GPC5: variants seen among roughly 807,000 people sequenced by gnomAD.
GPC5 encodes the protein glypican-5.
In GPC5, 47 loss-of-function variants were observed where a neutral mutation model predicts 53.9. That is an observed-to-expected ratio of 0.87 (90% CI 0.69 to 1.11). The LOEUF is 1.11. Among genes scored for constraint, GPC5 ranks in the 50% most tolerant of loss-of-function variants. The probability of loss-of-function intolerance (pLI) is 0.00; values close to 1 mark genes in which losing one functional copy is unlikely to be tolerated. For synonymous variants in GPC5, 286 were observed against 263.3 expected (o/e 1.09, Z -0.84); for missense variants, 748 against 713.1 (o/e 1.05, Z -0.56).
At chr13:92,468,362 A>G (rs189771837) in intron 7 of GPC5, among the ~76,000 whole-genome samples, 94 of 152,264 alleles carry the variant, frequency 6.2e-4, no homozygotes, top group South Asian at 5.6e-3. Flanking sequence ...TCACTCCAGA[A>G]GAGTGTTCTT....
chr13:91,885,610 A>T (rs993700281), intron 5 of GPC5, among the ~76,000 whole-genome samples: 4 of 152,076 alleles, frequency 2.6e-5, no homozygotes, highest in Non-Finnish European at 5.9e-5. Context: ...TCATTAGTTC[A>T]TCTCTTTCTT....
intron 2 of GPC5, among the ~76,000 whole-genome samples, chr13:91,491,675 C>G (rs1256927178): frequency 6.6e-6 from 1 of 152,160 alleles, no homozygotes; most frequent in Non-Finnish European, 1.5e-5. Flanking sequence ...GGACATTCCA[C>G]TCCTTGCCTC....
At chr13:91,684,005 C>G (rs2035566657) in intron 2 of GPC5, among the ~76,000 whole-genome samples, 1 of 152,152 alleles carries the variant, frequency 6.6e-6, no homozygotes, top group Non-Finnish European at 1.5e-5. Context: ...CTCATCAGTT[C>G]CCATGGTCAA....
chr13:92,655,777 G>C (rs1473346848), intron 7 of GPC5, among the ~76,000 whole-genome samples: 2 of 152,092 alleles, frequency 1.3e-5, no homozygotes, highest in African/African-American at 4.8e-5. Context: ...AGAGGATCTG[G>C]ATAACAGTTT....
intron 2 of GPC5, among the ~76,000 whole-genome samples, chr13:91,636,557 C>A (rs993781896): frequency 7.5e-4 from 114 of 152,050 alleles, no homozygotes; most frequent in African/African-American, 2.7e-3. Flanking sequence ...CATGGATATA[C>A]CATGGATAAA....
At chr13:92,402,548 C>A (rs899266981) in intron 7 of GPC5, among the ~76,000 whole-genome samples, 1 of 152,246 alleles carries the variant, frequency 6.6e-6, no homozygotes, top group East Asian at 1.9e-4. Context: ...CCAAGAATAT[C>A]GAAGCTGTGT....
intron 7 of GPC5, among the ~76,000 whole-genome samples, chr13:92,390,631 T>C (rs1275187320): frequency 6.6e-6 from 1 of 152,192 alleles, no homozygotes; most frequent in Non-Finnish European, 1.5e-5. Context: ...GATGTTTACT[T>C]AGATTTCCTT....
intron 5 of GPC5, among the ~76,000 whole-genome samples, chr13:91,873,892 G>C (rs1168971268): frequency 1.3e-5 from 2 of 152,068 alleles, no homozygotes; most frequent in South Asian, 2.1e-4. Flanking sequence ...ATGTTGCCCA[G>C]GCTGGTCTCA....
chr13:91,975,204 G>A (rs995102671), intron 6 of GPC5, among the ~76,000 whole-genome samples: 27 of 152,006 alleles, frequency 1.8e-4, no homozygotes, highest in Non-Finnish European at 5.9e-5. Context: ...CAGGACATAG[G>A]CATGGGCAAG....
At chr13:91,415,214 C>T (rs529778273) in intron 1 of GPC5, among the ~76,000 whole-genome samples, 4 of 152,178 alleles carry the variant, frequency 2.6e-5, no homozygotes, top group African/African-American at 7.2e-5. Flanking sequence ...GGGACGGTCT[C>T]CCCCAGAATA....
intron 7 of GPC5, among the ~76,000 whole-genome samples, chr13:92,702,641 C>T (rs1887789849): frequency 6.6e-6 from 1 of 152,076 alleles, no homozygotes; most frequent in Non-Finnish European, 1.5e-5. Flanking sequence ...CCCATTTTCT[C>T]TTCTGGGTTA....
At chr13:92,795,946 C>T (rs1876662562) in intron 7 of GPC5, among the ~76,000 whole-genome samples, 1 of 152,122 alleles carries the variant, frequency 6.6e-6, no homozygotes, top group South Asian at 2.1e-4. Flanking sequence ...TTGTGGAAGA[C>T]AGTGTGGCAA....
chr13:92,730,734 A>G lies in GPC5; in HGVS notation c.1562-135548A>G, dbSNP rs563782015. Among the ~76,000 whole-genome samples the G allele has an allele frequency of 1.1e-3, 161 of 151,424 alleles. 2 individuals carry two copies. Among genetic ancestry groups the G allele is most frequent in the Non-Finnish European group, 5.9e-4 (40 of 67,574 alleles). On this transcript the variant is annotated intron_variant, in intron 7 of 7. Transcript: ENST00000377067. The stretch of plus-strand genomic sequence containing the variant: ...GGTCCAAGGGCCATGTAGAGCAGAG[A>G]AAAGACTGCAGATTTAAAGACTTCT...
intron 7 of GPC5, among the ~76,000 whole-genome samples, chr13:92,217,966 G>A (rs1239537164): frequency 7.7e-6 from 1 of 129,392 alleles, no homozygotes; most frequent in African/African-American, 3.1e-5. Context: ...CATCCAGACT[G>A]GAGTGCAGTG....
chr13:92,416,738 CA>C lies in GPC5; in HGVS notation c.1561+271754del, dbSNP rs1876315684. ...AGATAAATTAGACTTAATTAAAATT[CA>C]AAAAGTTTGTGCTTCAAAGGATACC... On this transcript the variant is annotated intron_variant, in intron 7 of 7. Coordinates refer to ENST00000377067, the MANE Select transcript of GPC5 (RefSeq NM_004466.6). 2.6e-5 allele frequency among the ~76,000 whole-genome samples: 4 copies of C among 152,098 alleles called. No individual in the cohort carries two copies. In the South Asian group the frequency reaches 6.2e-4, roughly 24 times the overall value.
intron 5 of GPC5, among the ~76,000 whole-genome samples, chr13:91,803,466 C>T (rs937686179): frequency 2.0e-5 from 3 of 151,790 alleles, no homozygotes; most frequent in East Asian, 1.9e-4. Flanking sequence ...CCTGGTCATA[C>T]GTATGTATGT....
intron 7 of GPC5, among the ~76,000 whole-genome samples, chr13:92,210,552 G>A (rs1302319312): frequency 6.6e-6 from 1 of 152,004 alleles, no homozygotes; most frequent in African/African-American, 2.4e-5. Flanking sequence ...AACCTCTCCA[G>A]TTTCTAATAA....
intron 6 of GPC5, among the ~76,000 whole-genome samples, chr13:92,078,349 C>A (rs1177912021): frequency 3.3e-5 from 5 of 152,278 alleles, no homozygotes; most frequent in Admixed American, 3.3e-4. Flanking sequence ...GACTCTTATT[C>A]CTGTCACCAG....
chr13:92,458,835 C>G (rs1210226785), intron 7 of GPC5, among the ~76,000 whole-genome samples: 1 of 152,098 alleles, frequency 6.6e-6, no homozygotes, highest in Non-Finnish European at 1.5e-5. Flanking sequence ...GTCATCATCA[C>G]CATCACATTA....
Sources: allele counts gnomAD v4.1 joint callset (sites outside exome capture counted in the v4.1 genomes callset), GRCh38; gene constraint gnomAD v4.1.1; transcripts MANE v1.5; gene names NCBI Gene and HGNC (gene_info 2026-07-23, HGNC 2026-07-21).